UGGT2: variants seen among roughly 807,000 people sequenced by gnomAD.
UGGT2 encodes the protein UDP-glucose:glycoprotein glucosyltransferase 2.
In UGGT2, 180 loss-of-function variants were observed where a neutral mutation model predicts 192.1. The observed-to-expected ratio is 0.94, with a 90% CI of 0.83 to 1.06. UGGT2 has a LOEUF of 1.06. UGGT2 is among the 50% of genes least tolerant of loss of function. UGGT2 has a pLI of 0.00. For synonymous variants in UGGT2, 580 were observed against 591.0 expected, an observed-to-expected ratio of 0.98 and a Z score of 0.27; for missense variants, 1,849 against 1,795.7, an observed-to-expected ratio of 1.03 and a Z score of -0.54.
At chr13:96,000,511 T>C (rs1369192713) in intron 5 of UGGT2, among the ~76,000 whole-genome samples, 3 of 152,232 alleles carry the variant, frequency 2.0e-5, no homozygotes, top group Non-Finnish European at 4.4e-5. Context: ...ACTGGGTTAT[T>C]TCTAATTACA....
intron 33 of UGGT2, among the ~76,000 whole-genome samples, chr13:95,858,014 T>C (rs1423101961): frequency 6.9e-6 from 1 of 143,970 alleles, no homozygotes; most frequent in Non-Finnish European, 1.5e-5. Flanking sequence ...TTTTTTTTTT[T>C]CCTACTGTCA....
intron 16 of UGGT2, among the ~76,000 whole-genome samples, chr13:95,939,594 T>G (rs1233726741): frequency 6.6e-6 from 1 of 152,046 alleles, no homozygotes; most frequent in African/African-American, 2.4e-5. Flanking sequence ...CATTTTGATA[T>G]TAATATACAT....
At chr13:95,967,535 G>A (rs2050626471) in intron 12 of UGGT2, among the ~76,000 whole-genome samples, 1 of 147,032 alleles carries the variant, frequency 6.8e-6, no homozygotes, top group Non-Finnish European at 1.5e-5. Flanking sequence ...GTGCAGTAGG[G>A]CGATCCTGGC....
chr13:95,983,738 A>G, intron 10 of UGGT2, 66 bp downstream of exon 10: 1 of 1,185,670 alleles, frequency 8.4e-7, no homozygotes, highest in Non-Finnish European at 1.2e-6. Context: ...ATGAATATTG[A>G]AGATCCAAAG....
intron 20 of UGGT2, among the ~76,000 whole-genome samples, chr13:95,923,220 T>G (rs1024717571): frequency 7.2e-5 from 11 of 152,038 alleles, no homozygotes; most frequent in Non-Finnish European, 1.6e-4. Context: ...CCTGGCTAAT[T>G]GTTTTTAAAA....
chr13:95,978,964 C>G (rs1566787297), intron 10 of UGGT2, among the ~76,000 whole-genome samples: 1 of 152,122 alleles, frequency 6.6e-6, no homozygotes, highest in Non-Finnish European at 1.5e-5. Context: ...AAGGTGCAAT[C>G]CTTTATTTGA....
At chr13:96,030,338 A>G (rs536085646) in intron 2 of UGGT2, among the ~76,000 whole-genome samples, 28 of 152,326 alleles carry the variant, frequency 1.8e-4, no homozygotes, top group African/African-American at 6.5e-4. Flanking sequence ...ATTGTTTCAC[A>G]AAGTCCTGTG....
At chr13:95,801,855 A>G (rs1884072299) in intron 38 of UGGT2, 43 bp from the exon 39 acceptor site, 2 of 1,608,290 alleles carry the variant, frequency 1.2e-6, no homozygotes, top group Non-Finnish European at 1.7e-6. Flanking sequence ...CATCTTAAAC[A>G]TAAAAATATC....
Position 95,990,049 on chromosome 13 carries a change from A to C in UGGT2, c.855T>G (p.Asp285Glu), listed in dbSNP as rs758857411. 10 of 1,601,932 alleles carry C rather than the reference A, an allele frequency of 6.2e-6. No individual in the cohort carries two copies. Among genetic ancestry groups the C allele is most frequent in the Middle Eastern group, 1.7e-4 (1 of 6,010 alleles). Residue 285 changes from aspartate (D) to glutamate (E), a missense_variant, in exon 8 of 39, where the codon GAT becomes GAG. Transcript: ENST00000376747. ...GGTATTTTTGGAATGCTGTCAGATT[A>C]TCTCTAAGATCTGAATATATTTCTC... is the stretch of plus-strand genomic sequence containing the variant. ...KLKEIYSDLR[D>E]NLTAFQKYLI...
chr13:95,923,843 C>T (rs2048927457), intron 20 of UGGT2, among the ~76,000 whole-genome samples: 1 of 152,076 alleles, frequency 6.6e-6, no homozygotes, highest in African/African-American at 2.4e-5. Context: ...GGAAATACAC[C>T]TAAACATTAA....
chr13:95,931,204 A>G (rs570599519), intron 17 of UGGT2, among the ~76,000 whole-genome samples: 2 of 152,282 alleles, frequency 1.3e-5, no homozygotes, highest in African/African-American at 4.8e-5. Context: ...GATGAGCTAG[A>G]CACAGCACTG....
intron 20 of UGGT2, among the ~76,000 whole-genome samples, chr13:95,910,063 G>T (rs551156865): frequency 6.6e-6 from 1 of 152,234 alleles, no homozygotes; most frequent in South Asian, 2.1e-4. Flanking sequence ...TCACCACGAG[G>T]CCTGCCTTAC....
chr13:95,807,151 C>G (rs1348795256), intron 38 of UGGT2, among the ~76,000 whole-genome samples: 1 of 152,078 alleles, frequency 6.6e-6, no homozygotes, highest in East Asian at 1.9e-4. Context: ...ATACTGTATT[C>G]TTACAATAAA....
rs753851368 is a variant in UGGT2 at position 95,949,347 on chromosome 13, A to G, written c.1443T>C (p.Asn481=). 2 of 1,553,798 alleles carry G rather than the reference A, an allele frequency of 1.3e-6. No individual in the cohort carries two copies. Among genetic ancestry groups the G allele is most frequent in the Non-Finnish European group, 1.7e-6 (2 of 1,150,892 alleles). ...FPGSVPSIRR[N]FHNLVLFIDP... ...ATATAAAACTCACCAAATTATGAAAATTGCGCCTTATGGAAGGTACACTTC... is the reference window on the plus strand; with the variant it reads ...ATATAAAACTCACCAAATTATGAAAGTTGCGCCTTATGGAAGGTACACTTC... The change falls in exon 13 of 39, where the codon AAT becomes AAC. Residue 481 remains asparagine (N), a synonymous_variant. Coordinates refer to ENST00000376747, the MANE Select transcript of UGGT2 (RefSeq NM_020121.4).
At chr13:95,829,973 C>T (rs1886483104) in intron 38 of UGGT2, among the ~76,000 whole-genome samples, 1 of 152,094 alleles carries the variant, frequency 6.6e-6, no homozygotes, top group Non-Finnish European at 1.5e-5. Flanking sequence ...AGAAATAATA[C>T]CACACATCTA....
At chr13:95,999,434 G>T in intron 5 of UGGT2, 127 bp from the exon 6 acceptor site, 2 of 796,270 alleles carry the variant, frequency 2.5e-6, no homozygotes, top group Non-Finnish European at 4.0e-6. Context: ...TAATCACTCT[G>T]AAAAATTTGG....
intron 20 of UGGT2, among the ~76,000 whole-genome samples, chr13:95,903,292 A>G (rs967752876): frequency 2.6e-5 from 4 of 152,080 alleles, no homozygotes; most frequent in Non-Finnish European, 4.4e-5. Context: ...GTAATGTAAC[A>G]TTATATTTAA....
At chr13:96,033,738 C>T (rs768441908) in intron 1 of UGGT2, among the ~76,000 whole-genome samples, 6 of 152,208 alleles carry the variant, frequency 3.9e-5, no homozygotes, top group Admixed American at 6.5e-5. Flanking sequence ...TGGGGTAGTG[C>T]TGACATGCCA....
intron 11 of UGGT2, 22 bp from the exon 12 acceptor site, chr13:95,970,284 A>C (rs1371826009): frequency 6.4e-7 from 1 of 1,567,680 alleles, no homozygotes. Flanking sequence ...AAGAAAAAAC[A>C]GTTTTATTTT....
Sources: allele counts gnomAD v4.1 joint callset (sites outside exome capture counted in the v4.1 genomes callset), GRCh38; gene constraint gnomAD v4.1.1; transcripts MANE v1.5; gene names NCBI Gene and HGNC (gene_info 2026-07-23, HGNC 2026-07-21).